ZNF519: variants seen among roughly 807,000 people sequenced by gnomAD.
The protein encoded by ZNF519 is zinc finger protein 519, also known as similar to Zinc finger protein 85 (Zinc finger protein HPF4) (HTF1).
Under a neutral mutation model 7.4 loss-of-function variants are expected in ZNF519, and 7 were observed. The observed-to-expected ratio is 0.94, with a 90% confidence interval of 0.54 to 1.77. The LOEUF (loss-of-function observed/expected upper bound fraction) is 1.77. Among genes scored for constraint, ZNF519 ranks in the 40% most tolerant of loss-of-function variants. ZNF519 has a pLI of 0.00. For missense variants in ZNF519, 586 were observed against 623.1 expected (o/e 0.94, Z 0.63); for synonymous variants, 179 against 203.3 (o/e 0.88, Z 1.02).
chr18:14,120,079 A>T (rs2046263420), intron 2 of ZNF519, among the ~76,000 whole-genome samples: 1 of 152,224 alleles, frequency 6.6e-6, no homozygotes, highest in Non-Finnish European at 1.5e-5. Flanking sequence ...ACCTAAAACA[A>T]CTTGAAATAA....
chr18:14,104,327 TTCAG>T lies in ZNF519; in HGVS notation c.*586_*589del, dbSNP rs1555631718. The T allele has an allele frequency of 6.6e-6, 1 of 152,308 alleles. No individual in the cohort carries two copies. Among genetic ancestry groups the T allele is most frequent in the Non-Finnish European group, 1.5e-5 (1 of 68,120 alleles). The allele number at this position is 152,308 out of a possible 1,614,324, so 9.4% of individuals were successfully genotyped here. On this transcript the variant is annotated 3_prime_UTR_variant, in exon 3 of 3. Transcript: ENST00000590202. ...ACACCTAACTCATATATGACTTATA[TTCAG>T]TGTTGTAAGTCAAACAAAAAGAGCA...
downstream of ZNF519, among the ~76,000 whole-genome samples, chr18:14,096,927 T>C (rs1449856768): frequency 1.3e-5 from 2 of 152,166 alleles, no homozygotes; most frequent in Non-Finnish European, 2.9e-5. Flanking sequence ...ATCCAGGTTG[T>C]TGGCCATTTG....
downstream of ZNF519, chr18:14,071,754 G>C (rs2046029240): frequency 6.6e-6 from 1 of 152,040 alleles, no homozygotes; most frequent in South Asian, 2.1e-4. Flanking sequence ...GGCTTTACAG[G>C]AGCTCTTTCT....
rs781187664 is a variant in ZNF519 at position 14,105,426 on chromosome 18, C to T, written c.1114G>A (p.Gly372Arg). ...TCCTTACATCTGAAAGGTTTCTCTC[C>T]GGTATGGATTCTCTGGTGTTGAGTA... ...YLTQHQRIHT[G>R]EKPFRCKECG... The change falls in exon 3 of 3, where the codon GGA becomes AGA. Residue 372 changes from glycine to arginine, a missense_variant. Coordinates refer to ENST00000590202, the MANE Select transcript of ZNF519 (RefSeq NM_145287.4). 5.2e-5 allele frequency: 84 copies of T among 1,613,768 alleles called. No homozygotes were observed. Among genetic ancestry groups the T allele is most frequent in the Middle Eastern group, 1.6e-4 (1 of 6,062 alleles).
At chr18:14,089,536 T>C (rs1471251404) in intron 2 of ZNF519, among the ~76,000 whole-genome samples, 2 of 135,180 alleles carry the variant, frequency 1.5e-5, no homozygotes, top group Non-Finnish European at 3.1e-5. Context: ...GTGATTTATT[T>C]AACTTTTATG....
chr18:14,097,091 T>C (rs775029915), downstream of ZNF519, among the ~76,000 whole-genome samples: 5 of 152,190 alleles, frequency 3.3e-5, no homozygotes, highest in Non-Finnish European at 5.9e-5. Context: ...AGTTTATACA[T>C]AGTGTGTGCT....
In ZNF519 at chr18:14,103,361, T is replaced by A. The variant is rs2046171599; in HGVS notation, c.*1556A>T. ...ATAATCCAAAGTATTTTCCCTGACT[T>A]TAGTAAAAGGAAATTAAAAATAAAT... On this transcript the variant is annotated 3_prime_UTR_variant, in exon 3 of 3. Transcript: ENST00000590202. The A allele has an allele frequency of 6.6e-6, 1 of 152,006 alleles. No homozygotes were observed. The highest frequency in any genetic ancestry group is 1.5e-5 in the Non-Finnish European group (1 of 67,970). The allele number at this position is 152,006 out of a possible 1,614,324, so 9.4% of individuals were successfully genotyped here. A position where few individuals can be genotyped will look rare whatever the true frequency, so the allele number is the denominator to read the frequency against.
At chr18:14,086,621 TG>T (rs1232209236) in intron 2 of ZNF519, among the ~76,000 whole-genome samples, 5 of 152,150 alleles carry the variant, frequency 3.3e-5, no homozygotes, top group African/African-American at 1.2e-4. Context: ...GACCCCAACC[TG>T]GGGACCGTAA....
In ZNF519 at chr18:14,104,713, C is replaced by A. The variant is rs1046723075; in HGVS notation, c.*204G>T. On this transcript the variant is annotated 3_prime_UTR_variant, in exon 3 of 3. Transcript: ENST00000590202. The stretch of plus-strand genomic sequence containing the variant: ...AGTTTGAATTATTTGTTATAATAAA[C>A]ACACTGATTCAGAGTAATTTACGGA... 3 of 448,026 alleles carry A rather than the reference C, an allele frequency of 6.7e-6. No homozygotes were observed. The highest frequency in any genetic ancestry group is 1.1e-5 in the Non-Finnish European group (3 of 262,286). 27.8% of individuals were successfully genotyped at this position (448,026 alleles called of 1,614,324 possible).
At chr18:14,091,950 G>A (rs78272146) in intron 2 of ZNF519, among the ~76,000 whole-genome samples, 3,340 of 152,194 alleles carry the variant, frequency 0.022, 120 homozygotes, top group African/African-American at 0.074. Flanking sequence ...GATGGCCAGA[G>A]GAAGTTTAGT....
intron 2 of ZNF519, among the ~76,000 whole-genome samples, chr18:14,108,801 A>G (rs967296719): frequency 6.6e-6 from 1 of 152,164 alleles, no homozygotes; most frequent in African/African-American, 2.4e-5. Context: ...GGTTATCTAT[A>G]TAATGAGGGC....
chr18:14,120,454 AT>A (rs2046265165), intron 2 of ZNF519, among the ~76,000 whole-genome samples: 1 of 152,186 alleles, frequency 6.6e-6, no homozygotes, highest in South Asian at 2.1e-4. Flanking sequence ...AAGAAAACAT[AT>A]TGGAAAACCT....
chr18:14,112,506 C>A (rs1364722920), intron 2 of ZNF519, among the ~76,000 whole-genome samples: 1 of 152,102 alleles, frequency 6.6e-6, no homozygotes, highest in Non-Finnish European at 1.5e-5. Flanking sequence ...AGGAAGAAGT[C>A]AAATTAGCTT....
At chr18:14,132,089 G>A (rs542441874) in intron 1 of ZNF519, among the ~76,000 whole-genome samples, 186 bp downstream of exon 1, 1 of 152,092 alleles carries the variant, frequency 6.6e-6, no homozygotes, top group African/African-American at 2.4e-5. Context: ...TGCGCAAAGA[G>A]GGCTACAGGC....
chr18:14,093,756 G>A (rs557501228), intron 2 of ZNF519, among the ~76,000 whole-genome samples: 1 of 152,182 alleles, frequency 6.6e-6, no homozygotes, highest in African/African-American at 2.4e-5. Context: ...CTTGACATCT[G>A]CCTTATCTGA....
At chr18:14,119,431 T>A (rs1489391301) in intron 2 of ZNF519, among the ~76,000 whole-genome samples, 1 of 152,188 alleles carries the variant, frequency 6.6e-6, no homozygotes, top group Non-Finnish European at 1.5e-5. Context: ...CTTAACATAT[T>A]ACTGAAAGTT....
At chr18:14,084,117 T>G (rs193179299) in intron 3 of ZNF519, 37 of 152,222 alleles carry the variant, frequency 2.4e-4, no homozygotes, top group Admixed American at 2.2e-3. Context: ...GGCAGGACAT[T>G]GCAGAGTCAG....
intron 2 of ZNF519, chr18:14,090,789 A>G (rs1415335323): frequency 1.3e-5 from 2 of 152,236 alleles, no homozygotes; most frequent in African/African-American, 2.4e-5. Context: ...AAGAAATGTG[A>G]AAGTTTCTCA....
chr18:14,094,791 GCTCA>G (rs1400492739), intron 2 of ZNF519, among the ~76,000 whole-genome samples: 2 of 151,890 alleles, frequency 1.3e-5, no homozygotes, highest in Non-Finnish European at 2.9e-5. Flanking sequence ...CTGTCTTTGA[GCTCA>G]CTGATTTTTT....
Sources: gnomAD v4.1 joint callset for allele counts (sites outside exome capture counted in the v4.1 genomes callset) on GRCh38, gnomAD v4.1.1 for gene constraint, MANE v1.5 for transcripts, NCBI Gene and HGNC (gene_info 2026-07-23, HGNC 2026-07-21) for gene names.